CA10: variants seen among roughly 807,000 people sequenced by gnomAD.
The protein encoded by CA10 is carbonic anhydrase 10 (inactive), also known as carbonic anhydrase-related protein 10.
In CA10, 14 loss-of-function variants were observed where a neutral mutation model predicts 44.2. The ratio of observed to expected loss-of-function variants is 0.32; its 90% CI spans 0.21 to 0.50. CA10 has a LOEUF of 0.50. CA10 is among the 20% of genes least tolerant of loss of function. The pLI, the probability that CA10 is intolerant of heterozygous loss-of-function variation, is 0.99. For missense variants in CA10, 350 were observed against 409.7 expected (o/e 0.85, Z 1.26); for synonymous variants, 159 against 141.6 (o/e 1.12, Z -0.87).
At chr17:51,752,983 A>G (rs1904945010) in intron 3 of CA10, among the ~76,000 whole-genome samples, 1 of 152,154 alleles carries the variant, frequency 6.6e-6, no homozygotes, top group Non-Finnish European at 1.5e-5. Flanking sequence ...GGGGATTTTC[A>G]TTTCTTCTCC....
upstream of CA10, chr17:52,159,652 AG>A: frequency 6.6e-6 from 1 of 152,224 alleles, no homozygotes; most frequent in Non-Finnish European, 1.5e-5. Flanking sequence ...CCAGGGCCCC[AG>A]GGGAAAGTAG....
At chr17:51,899,435 A>AT (rs1226739632) in intron 3 of CA10, among the ~76,000 whole-genome samples, 1 of 151,922 alleles carries the variant, frequency 6.6e-6, no homozygotes, top group Non-Finnish European at 1.5e-5. Flanking sequence ...GGTAACATAT[A>AT]TTTTTTTGAA....
chr17:52,025,312 T>C (rs1013139512), intron 2 of CA10, among the ~76,000 whole-genome samples: 1 of 152,092 alleles, frequency 6.6e-6, no homozygotes, highest in African/African-American at 2.4e-5. Flanking sequence ...TCTACTCCAC[T>C]TTCCCTCATA....
chr17:52,027,522 G>A (rs970781766), intron 2 of CA10, among the ~76,000 whole-genome samples: 2 of 152,130 alleles, frequency 1.3e-5, no homozygotes, highest in Non-Finnish European at 2.9e-5. Context: ...GTTACTCTGG[G>A]AGTCTAGGAT....
At chr17:51,918,275 TTAAAAGGA>T (rs1982083425) in intron 3 of CA10, among the ~76,000 whole-genome samples, 1 of 152,196 alleles carries the variant, frequency 6.6e-6, no homozygotes, top group Non-Finnish European at 1.5e-5. Context: ...GCTACTTGGC[TTAAAAGGA>T]AGCAAGAGTG....
At chr17:51,788,719 A>G (rs181486318) in intron 3 of CA10, among the ~76,000 whole-genome samples, 34 of 152,320 alleles carry the variant, frequency 2.2e-4, no homozygotes, top group African/African-American at 7.7e-4. Flanking sequence ...GAACACTTCA[A>G]TGGTTCTTAG....
chr17:51,857,037 G>A lies in CA10; in HGVS notation c.279+73953C>T, dbSNP rs529891182. ...GATCTTATCTTATATGCAGTGCAGA[G>A]CAATTCATTTGTTTTGAGGAGGAAA... On this transcript the variant is annotated intron_variant, in intron 3 of 8. Transcript: ENST00000451037. Among the ~76,000 whole-genome samples the A allele has an allele frequency of 2.0e-5, 3 of 152,244 alleles. No homozygotes were observed. The South Asian group carries it at 6.2e-4, about 32-fold the overall frequency.
intron 2 of CA10, among the ~76,000 whole-genome samples, chr17:51,960,909 T>A (rs1320687062): frequency 6.6e-6 from 1 of 152,150 alleles, no homozygotes; most frequent in Non-Finnish European, 1.5e-5. Context: ...CAAACATGAG[T>A]CTAGGTATTC....
At chr17:51,864,228 A>G (rs1449474242) in intron 3 of CA10, among the ~76,000 whole-genome samples, 2 of 152,172 alleles carry the variant, frequency 1.3e-5, no homozygotes, top group African/African-American at 2.4e-5. Flanking sequence ...GTTACCTCCC[A>G]GGAACCGGGG....
intron 2 of CA10, among the ~76,000 whole-genome samples, chr17:51,954,472 G>A (rs539442515): frequency 6.6e-6 from 1 of 152,192 alleles, no homozygotes; most frequent in Non-Finnish European, 1.5e-5. Context: ...GGGAGTCACG[G>A]AGTCACATAA....
chr17:51,697,650 T>C (rs557317478), intron 4 of CA10, among the ~76,000 whole-genome samples: 1 of 152,376 alleles, frequency 6.6e-6, no homozygotes, highest in Non-Finnish European at 1.5e-5. Context: ...GTAAGCCATA[T>C]GAGGGCCAGG....
intron 4 of CA10, among the ~76,000 whole-genome samples, chr17:51,733,671 T>G (rs2143567744): frequency 6.6e-6 from 1 of 152,304 alleles, no homozygotes; most frequent in Middle Eastern, 3.4e-3. Flanking sequence ...AGCAGAAACA[T>G]TCTCTCTTTT....
At chr17:51,727,505 T>TTGA (rs1916564427) in intron 4 of CA10, among the ~76,000 whole-genome samples, 1 of 152,140 alleles carries the variant, frequency 6.6e-6, no homozygotes. Flanking sequence ...CAGAAATGCC[T>TTGA]TGATCACATA....
At chr17:52,101,374 A>G (rs1988535632) in intron 1 of CA10, among the ~76,000 whole-genome samples, 1 of 152,240 alleles carries the variant, frequency 6.6e-6, no homozygotes, top group Non-Finnish European at 1.5e-5. Context: ...CTTGAGGCAA[A>G]TGTGACATCA....
rs145755083 is a variant in CA10 at position 51,919,018 on chromosome 17, C to T, written c.279+11972G>A. 1.5e-3 allele frequency among the ~76,000 whole-genome samples: 226 copies of T among 152,274 alleles called. 1 individual carries two copies. The highest frequency in any genetic ancestry group is 5.3e-3 in the African/African-American group (219 of 41,574). On this transcript the variant is annotated intron_variant, in intron 3 of 8. Transcript: ENST00000451037. ...AACTGCCTACGCTGCATAGACTCCT[C>T]AAATTGCATTATTTATTCCAGTTTT...
chr17:51,882,985 T>G (rs1980443870), intron 3 of CA10, among the ~76,000 whole-genome samples: 1 of 152,208 alleles, frequency 6.6e-6, no homozygotes, highest in Admixed American at 6.5e-5. Context: ...TGGAAAATTT[T>G]GTTTGTATGA....
chr17:51,908,537 C>T lies in CA10; in HGVS notation c.279+22453G>A, dbSNP rs575539314. ...GCTAGATTTGATTTTGTTAAGAAGC[C>T]GAGTTTTCCTCTGACAGCATTCAAC... On this transcript the variant is annotated intron_variant, in intron 3 of 8. Transcript: ENST00000451037. Among the ~76,000 whole-genome samples, 6 of 152,206 alleles carry T rather than the reference C, an allele frequency of 3.9e-5. No individual in the cohort carries two copies. In the South Asian group the frequency reaches 6.2e-4, roughly 16 times the overall value.
Position 51,630,712 on chromosome 17 carries a change from T to C in CA10, c.*872A>G, listed in dbSNP as rs999070314. On this transcript the variant is annotated 3_prime_UTR_variant, in exon 9 of 9. Transcript: ENST00000451037. ...AACAAGTGAAATCAAAGAATGCAGT[T>C]GCATGGAGCCAGGGCTTAGCCTGTA... 1.2e-4 allele frequency: 18 copies of C among 152,672 alleles called. No homozygotes were observed. The highest frequency in any genetic ancestry group is 4.6e-4 in the Admixed American group (7 of 15,304). 9.5% of individuals were successfully genotyped at this position (152,672 alleles called of 1,614,324 possible).
At chr17:51,930,742 G>C (rs1405213859) in intron 3 of CA10, among the ~76,000 whole-genome samples, 1 of 152,082 alleles carries the variant, frequency 6.6e-6, no homozygotes, top group African/African-American at 2.4e-5. Context: ...GGGGTACCAA[G>C]GTTGTCTGAT....
Sources: gnomAD v4.1 joint callset for allele counts (sites outside exome capture counted in the v4.1 genomes callset) on GRCh38, gnomAD v4.1.1 for gene constraint, MANE v1.5 for transcripts, NCBI Gene and HGNC (gene_info 2026-07-23, HGNC 2026-07-21) for gene names.